Variants in LMNTD1 observed in about 807,000 individuals in gnomAD.
LMNTD1 encodes lamin tail domain-containing protein 1.
In LMNTD1, 35 loss-of-function variants were observed where a neutral mutation model predicts 50.9. The observed-to-expected ratio is 0.69, with a 90% CI of 0.53 to 0.91. The LOEUF is 0.91. Among genes scored for constraint, LMNTD1 ranks in the 40% least tolerant of loss-of-function variants. The pLI is 0.00. For missense variants in LMNTD1, 470 were observed against 475.5 expected (o/e 0.99, Z 0.11); for synonymous variants, 153 against 161.9 (o/e 0.94, Z 0.42).
rs564695076 is a variant in LMNTD1, at chr12:25,505,958, A to G, written c.1190-2158T>C. ...GTCTGACAAATTTAAACCATGCAAT[A>G]CATGCAAACATCAATAAACAGAACA... On this transcript the variant is annotated intron_variant, in intron 8 of 9. Transcript: ENST00000458174. Among the ~76,000 whole-genome samples, 12 of 152,360 alleles carry G rather than the reference A, an allele frequency of 7.9e-5. No individual in the cohort carries two copies. In the South Asian group the frequency reaches 2.5e-3, roughly 32 times the overall value.
intron 8 of LMNTD1, among the ~76,000 whole-genome samples, chr12:25,512,465 T>C (rs1444245147): frequency 6.6e-6 from 1 of 152,154 alleles, no homozygotes; most frequent in Non-Finnish European, 1.5e-5. Flanking sequence ...TATTAATATT[T>C]TTCATTTGGG....
intron 4 of LMNTD1, among the ~76,000 whole-genome samples, chr12:25,532,132 T>G (rs1327279143): frequency 6.6e-6 from 1 of 152,198 alleles, no homozygotes; most frequent in Non-Finnish European, 1.5e-5. Context: ...TGGTGTTTGG[T>G]CAACTCTTAT....
intron 4 of LMNTD1, among the ~76,000 whole-genome samples, chr12:25,538,351 C>A (rs1565990666): frequency 6.6e-6 from 1 of 151,122 alleles, no homozygotes; most frequent in Non-Finnish European, 1.5e-5. Flanking sequence ...CAAAGGGAAG[C>A]CCATCAGACT....
At chr12:25,594,651 C>CA (rs61299586) in intron 1 of LMNTD1, among the ~76,000 whole-genome samples, 1,176 of 69,862 alleles carry the variant, frequency 0.017, 16 homozygotes, top group African/African-American at 0.057. Context: ...AACAGAAATA[C>CA]AAAAAAAAAA....
In LMNTD1 at chr12:25,482,342, A is replaced by AT. The variant is rs1044526915; in HGVS notation, c.*23-5883dup. ...TAATTTTACATCCCCCAGTAACTAT[A>AT]TTTTTTTATAGTTGTCAGAGACAGT... On this transcript the variant is annotated intron_variant, in intron 9 of 9. Coordinates refer to ENST00000458174, the MANE Select transcript of LMNTD1 (RefSeq NM_001145728.2). Among the ~76,000 whole-genome samples, 21 of 152,028 alleles carry AT rather than the reference A, an allele frequency of 1.4e-4. 1 individual carries two copies. In the South Asian group the frequency reaches 2.1e-3, roughly 15 times the overall value.
chr12:25,523,605 T>C (rs187723348), intron 6 of LMNTD1, among the ~76,000 whole-genome samples: 183 of 152,268 alleles, frequency 1.2e-3, no homozygotes, highest in African/African-American at 4.4e-3. Flanking sequence ...TAAGGAAAAT[T>C]TACCTGGCGG....
chr12:25,603,583 TAAAGAA>T (rs1371789268), intron 1 of LMNTD1, among the ~76,000 whole-genome samples: 7 of 152,110 alleles, frequency 4.6e-5, no homozygotes, highest in Non-Finnish European at 1.5e-5. Flanking sequence ...CTTTTCATCC[TAAAGAA>T]AAAGAAATAT....
chr12:25,595,267 C>T (rs1013528623), intron 1 of LMNTD1, among the ~76,000 whole-genome samples: 13 of 152,134 alleles, frequency 8.5e-5, no homozygotes, highest in African/African-American at 3.1e-4. Context: ...CCAACAACCA[C>T]AGAATATACA....
At chr12:25,576,808 G>A (rs534848255) in intron 1 of LMNTD1, among the ~76,000 whole-genome samples, 1 of 152,020 alleles carries the variant, frequency 6.6e-6, no homozygotes, top group South Asian at 2.1e-4. Flanking sequence ...TTTTTTCTAG[G>A]GTTTTTATGG....
chr12:25,506,305 G>A (rs764872820), intron 8 of LMNTD1, among the ~76,000 whole-genome samples: 15 of 152,166 alleles, frequency 9.9e-5, no homozygotes, highest in Non-Finnish European at 1.6e-4. Flanking sequence ...TTATTACTAT[G>A]ATAACATTTA....
chr12:25,515,013 T>C lies in LMNTD1; in HGVS notation c.1189+3782A>G, dbSNP rs539498582. ...AGCAGTTGAGCAAAATCTAATAAAGTTGAAGATACAGGTACCATACAACTG... is the reference window on the plus strand; with the variant it reads ...AGCAGTTGAGCAAAATCTAATAAAGCTGAAGATACAGGTACCATACAACTG... On this transcript the variant is annotated intron_variant, in intron 8 of 9. Transcript: ENST00000458174. Among the ~76,000 whole-genome samples, 4 of 152,168 alleles carry C rather than the reference T, an allele frequency of 2.6e-5. No individual in the cohort carries two copies. In the South Asian group the frequency reaches 8.3e-4, roughly 32 times the overall value.
chr12:25,566,066 C>A (rs374010401), intron 1 of LMNTD1, among the ~76,000 whole-genome samples: 4 of 152,040 alleles, frequency 2.6e-5, no homozygotes, highest in Admixed American at 2.6e-4. Flanking sequence ...AATACCTTGA[C>A]GTAGTCTTCT....
chr12:25,579,806 C>A (rs544599061), intron 1 of LMNTD1, among the ~76,000 whole-genome samples: 2 of 152,188 alleles, frequency 1.3e-5, no homozygotes, highest in South Asian at 4.2e-4. Context: ...GCATCCATCC[C>A]CTTCTCTTTT....
intron 4 of LMNTD1, among the ~76,000 whole-genome samples, chr12:25,527,707 C>T (rs779478040): frequency 0.15 from 19,487 of 127,060 alleles, 2,419 homozygotes; most frequent in East Asian, 0.24. Context: ...CACACACACA[C>T]ACACACACAC....
At chr12:25,496,371 T>C (rs920378804) in intron 9 of LMNTD1, among the ~76,000 whole-genome samples, 6 of 152,188 alleles carry the variant, frequency 3.9e-5, no homozygotes, top group African/African-American at 1.4e-4. Flanking sequence ...TTCCTGCTAG[T>C]CTCCTCAAAA....
intron 1 of LMNTD1, among the ~76,000 whole-genome samples, chr12:25,612,528 C>T (rs898514556): frequency 3.3e-5 from 5 of 152,124 alleles, no homozygotes; most frequent in African/African-American, 1.2e-4. Flanking sequence ...TGCTGAGTCA[C>T]TCAGGTAATG....
intron 1 of LMNTD1, among the ~76,000 whole-genome samples, chr12:25,619,051 C>T (rs1946406276): frequency 6.6e-6 from 1 of 152,146 alleles, no homozygotes; most frequent in African/African-American, 2.4e-5. Flanking sequence ...AATTTATTTA[C>T]TCATTTCCCC....
intron 9 of LMNTD1, among the ~76,000 whole-genome samples, chr12:25,499,006 A>G (rs910892350): frequency 5.9e-5 from 9 of 152,184 alleles, no homozygotes; most frequent in African/African-American, 2.2e-4. Context: ...ACCTTAAATT[A>G]AGACCCAGAA....
chr12:25,490,065 C>T (rs920561275), intron 9 of LMNTD1, among the ~76,000 whole-genome samples: 1 of 152,218 alleles, frequency 6.6e-6, no homozygotes, highest in African/African-American at 2.4e-5. Flanking sequence ...TTCTCCACCC[C>T]ACAATTTGTT....
Sources: allele counts gnomAD v4.1 joint callset (sites outside exome capture counted in the v4.1 genomes callset), GRCh38; gene constraint gnomAD v4.1.1; transcripts MANE v1.5; gene names NCBI Gene and HGNC (gene_info 2026-07-23, HGNC 2026-07-21).